The following ZFPM2 variants were observed in gnomAD, a reference collection of about 807,000 sequenced individuals.
The protein encoded by ZFPM2 is zinc finger protein ZFPM2.
A neutral mutation model predicts 98.6 loss-of-function variants in ZFPM2; 20 were observed. The ratio of observed to expected loss-of-function variants is 0.20; its 90% CI spans 0.14 to 0.29. The LOEUF (loss-of-function observed/expected upper bound fraction) is 0.29. Ranked by LOEUF, ZFPM2 falls within the 10% of genes least tolerant of loss-of-function variation. The pLI, the probability that ZFPM2 is intolerant of heterozygous loss-of-function variation, is 1.00. For synonymous variants in ZFPM2, 518 were observed against 502.7 expected, an observed-to-expected ratio of 1.03 and a Z score of -0.41; for missense variants, 1,310 against 1,388.6, an observed-to-expected ratio of 0.94 and a Z score of 0.90.
At position 105,411,262 on chromosome 8, in the gene ZFPM2, T is replaced by G. The variant is rs531379042; in HGVS notation, c.41-7882T>G. Among the ~76,000 whole-genome samples, 6 of 151,912 alleles carry G rather than the reference T, an allele frequency of 3.9e-5. No homozygotes were observed. In the South Asian group the frequency reaches 1.2e-3, roughly 32 times the overall value. On this transcript the variant is annotated intron_variant, in intron 1 of 7. Coordinates refer to ENST00000407775, the MANE Select transcript of ZFPM2 (RefSeq NM_012082.4). ...TAAGATAGAATTATAACAAAGGAAGTAAGAAAAATGCATGGGTAGCTGGAA... is the reference window on the plus strand; with the variant it reads ...TAAGATAGAATTATAACAAAGGAAGGAAGAAAAATGCATGGGTAGCTGGAA...
At chr8:105,456,848 A>G (rs1274577526) in intron 3 of ZFPM2, among the ~76,000 whole-genome samples, 2 of 151,914 alleles carry the variant, frequency 1.3e-5, no homozygotes, top group Admixed American at 1.3e-4. Context: ...ACTTTTTTGT[A>G]TTTTTATCAG....
chr8:105,440,146 C>G (rs1022290781), intron 2 of ZFPM2, among the ~76,000 whole-genome samples: 1 of 152,162 alleles, frequency 6.6e-6, no homozygotes, highest in Non-Finnish European at 1.5e-5. Context: ...AAATACTCCT[C>G]TAGTACTTGC....
At chr8:105,341,795 T>C (rs1386240742) in intron 1 of ZFPM2, among the ~76,000 whole-genome samples, 4 of 151,988 alleles carry the variant, frequency 2.6e-5, no homozygotes, top group African/African-American at 9.7e-5. Context: ...ATATGTGACC[T>C]TAGAACCCTG....
chr8:105,487,228 G>T (rs771978666), intron 3 of ZFPM2, among the ~76,000 whole-genome samples: 1 of 151,934 alleles, frequency 6.6e-6, no homozygotes, highest in African/African-American at 2.4e-5. Context: ...TCCTCCCACC[G>T]CAGCCTCCTT....
intron 1 of ZFPM2, among the ~76,000 whole-genome samples, chr8:105,368,874 G>T (rs1364731940): frequency 2.0e-5 from 3 of 152,102 alleles, no homozygotes; most frequent in Non-Finnish European, 2.9e-5. Context: ...TGTCATTTCT[G>T]TCATCTTTGC....
chr8:105,387,612 C>G (rs1000321829), intron 1 of ZFPM2: 1 of 152,606 alleles, frequency 6.6e-6, no homozygotes, highest in East Asian at 1.9e-4. Flanking sequence ...CCACGCCCAC[C>G]CGGAACTGGC....
At chr8:105,377,237 G>A (rs1009091318) in intron 1 of ZFPM2, among the ~76,000 whole-genome samples, 6 of 152,124 alleles carry the variant, frequency 3.9e-5, no homozygotes, top group Non-Finnish European at 5.9e-5. Context: ...CCTGTTGCCC[G>A]ATGTTGGTAA....
intron 4 of ZFPM2, among the ~76,000 whole-genome samples, chr8:105,580,421 A>G (rs1250543171): frequency 6.6e-6 from 1 of 152,168 alleles, no homozygotes; most frequent in Admixed American, 6.5e-5. Context: ...GGAAAAATAC[A>G]AGGTACAAAT....
At chr8:105,511,297 C>A (rs556193645) in intron 3 of ZFPM2, among the ~76,000 whole-genome samples, 2 of 152,336 alleles carry the variant, frequency 1.3e-5, no homozygotes, top group African/African-American at 4.8e-5. Flanking sequence ...GGAAAGATTC[C>A]AATCAGCCTG....
chr8:105,336,649 C>T lies in ZFPM2; in HGVS notation c.40+17668C>T, dbSNP rs968049542. Among the ~76,000 whole-genome samples, 10 of 150,468 alleles carry T rather than the reference C, an allele frequency of 6.6e-5. No homozygotes were observed. In the East Asian group the frequency reaches 7.8e-4, roughly 12 times the overall value. Reference sequence around the variant, plus strand: ...AAATATTTTGAGCTTCACTGGGAAACGCTTTATAAGATAGATTGATATTAA... The same window carrying T: ...AAATATTTTGAGCTTCACTGGGAAATGCTTTATAAGATAGATTGATATTAA... On this transcript the variant is annotated intron_variant, in intron 1 of 7. Coordinates refer to ENST00000407775, the MANE Select transcript of ZFPM2 (RefSeq NM_012082.4).
At chr8:105,639,063 T>C (rs1563753433) in intron 5 of ZFPM2, among the ~76,000 whole-genome samples, 1 of 152,034 alleles carries the variant, frequency 6.6e-6, no homozygotes, top group East Asian at 1.9e-4. Context: ...TCTCTATGGA[T>C]AAATACTAAA....
chr8:105,771,970 T>C (rs1234147908), intron 5 of ZFPM2, among the ~76,000 whole-genome samples: 1 of 152,162 alleles, frequency 6.6e-6, no homozygotes, highest in Non-Finnish European at 1.5e-5. Flanking sequence ...GGAGTAACTA[T>C]ATTGTGCATC....
At chr8:105,511,459 TG>T (rs1832665559) in intron 3 of ZFPM2, among the ~76,000 whole-genome samples, 2 of 152,190 alleles carry the variant, frequency 1.3e-5, no homozygotes, top group African/African-American at 4.8e-5. Flanking sequence ...TTCACCTAGA[TG>T]GGGGCCCATG....
chr8:105,446,598 C>A (rs1180920420), intron 3 of ZFPM2, among the ~76,000 whole-genome samples: 1 of 152,004 alleles, frequency 6.6e-6, no homozygotes, highest in South Asian at 2.1e-4. Context: ...TTTCCATTTT[C>A]GTTTAAATTT....
intron 5 of ZFPM2, among the ~76,000 whole-genome samples, chr8:105,726,418 G>A (rs1307676330): frequency 6.6e-6 from 1 of 151,768 alleles, no homozygotes; most frequent in Non-Finnish European, 1.5e-5. Flanking sequence ...AAGGGAATTA[G>A]TATTTGTACA....
chr8:105,691,231 C>CTTTTTTTTTTTTTTTTTTTT (rs869164122), intron 5 of ZFPM2, among the ~76,000 whole-genome samples: 7 of 67,966 alleles, frequency 1.0e-4, no homozygotes, highest in East Asian at 4.0e-4. Context: ...CCCAAAGAGA[C>CTTTTTTTTTTTTTTTTTTTT]TTTTTTTTTT....
In ZFPM2 at chr8:105,416,279, GATTAA is replaced by G. The variant is rs147129405; in HGVS notation, c.41-2861_41-2857del. On this transcript the variant is annotated intron_variant, in intron 1 of 7. Coordinates refer to ENST00000407775, the MANE Select transcript of ZFPM2 (RefSeq NM_012082.4). ...ATTTCAATATAATTTTTAATACAAT[GATTAA>G]ATTTAAATTGATATCATACTATTGA... 9.8e-3 allele frequency among the ~76,000 whole-genome samples: 1,486 copies of G among 151,446 alleles called. 25 individuals are homozygous for G. The highest frequency in any genetic ancestry group is 0.034 in the African/African-American group (1,397 of 41,380).
chr8:105,675,939 G>A (rs1379511247), intron 5 of ZFPM2: 2 of 152,088 alleles, frequency 1.3e-5, no homozygotes, highest in African/African-American at 4.8e-5. Context: ...CACACAGTTA[G>A]CAAAATGTGG....
chr8:105,548,855 G>A (rs1188540641), intron 3 of ZFPM2, among the ~76,000 whole-genome samples: 2 of 152,102 alleles, frequency 1.3e-5, no homozygotes, highest in South Asian at 2.1e-4. Context: ...GTCCACATTA[G>A]ATTCATTTTA....
Sources: allele counts gnomAD v4.1 joint callset (sites outside exome capture counted in the v4.1 genomes callset), GRCh38; gene constraint gnomAD v4.1.1; transcripts MANE v1.5; gene names NCBI Gene and HGNC (gene_info 2026-07-23, HGNC 2026-07-21).